The following TG variants were observed in gnomAD, a reference collection of about 807,000 sequenced individuals.
The protein encoded by TG is thyroglobulin.
TG carries 270 observed loss-of-function variants against 324.7 expected under a neutral mutation model. That is an observed-to-expected ratio of 0.83 (90% CI 0.75 to 0.92). The LOEUF is 0.92. TG is among the 40% of genes least tolerant of loss of function. TG has a pLI of 0.00. For synonymous variants in TG, 1,401 were observed against 1,327.0 expected (o/e 1.06, Z -1.21); for missense variants, 3,591 against 3,456.4 (o/e 1.04, Z -0.98).
chr8:132,963,406 A>T (rs532119027), intron 29 of TG, among the ~76,000 whole-genome samples: 1 of 152,350 alleles, frequency 6.6e-6, no homozygotes, highest in African/African-American at 2.4e-5. Flanking sequence ...CAGCCCTGAA[A>T]AGTATAAACA....
rs528625219 is a variant in TG at position 133,095,070 on chromosome 8, C to T, written c.7266C>T (p.Ala2422=). The T allele has an allele frequency of 8.1e-5, 131 of 1,613,986 alleles. 1 individual carries two copies. Among genetic ancestry groups the T allele is most frequent in the South Asian group, 5.4e-4 (49 of 91,070 alleles). The part of the protein sequence containing the change: ...LMGGSALSPA[A]VISHERAQQQ... Reference sequence around the variant, plus strand: ...GAGGCTCCGCACTCTCCCCGGCCGCCGTCATCAGCCATGAGAGGGCTCAGC... The same window carrying T: ...GAGGCTCCGCACTCTCCCCGGCCGCTGTCATCAGCCATGAGAGGGCTCAGC... Residue 2422 remains alanine, a synonymous_variant, in exon 42 of 48, where the codon GCC becomes GCT. Coordinates refer to ENST00000220616, the MANE Select transcript of TG (RefSeq NM_003235.5).
chr8:132,962,492 A>G (rs943048758), intron 28 of TG, among the ~76,000 whole-genome samples: 6 of 152,204 alleles, frequency 3.9e-5, no homozygotes, highest in African/African-American at 1.4e-4. Context: ...TTGCCGCACT[A>G]CAGAGAAGTG....
Position 132,935,788 on chromosome 8 carries a change from C to G in TG, c.4965C>G (p.Thr1655=), listed in dbSNP as rs1563975482. The G allele has an allele frequency of 6.2e-7, 1 of 1,612,966 alleles. No individual in the cohort carries two copies. Among genetic ancestry groups the G allele is most frequent in the Non-Finnish European group, 8.5e-7 (1 of 1,180,008 alleles). ...KRDALGNSKA[T]SFGSLRCQVK... is the part of the protein sequence containing the mutation. ...ATGCACTGGGGAACTCAAAGGCCAC[C>G]AGCTTTGGAAGTCTTCGCTGCCAGG... Residue 1655 remains threonine (T), a synonymous_variant, in exon 25 of 48, where the codon ACC becomes ACG. Coordinates refer to ENST00000220616, the MANE Select transcript of TG (RefSeq NM_003235.5).
chr8:133,063,042 G>C (rs1464567415), intron 41 of TG, among the ~76,000 whole-genome samples: 1 of 152,158 alleles, frequency 6.6e-6, no homozygotes, highest in Non-Finnish European at 1.5e-5. Context: ...CGAGGCCTTT[G>C]GGCTTCTGGG....
chr8:132,967,037 C>CCCATCCAT (rs57588311), intron 30 of TG, among the ~76,000 whole-genome samples: 188 of 146,082 alleles, frequency 1.3e-3, no homozygotes, highest in African/African-American at 4.8e-3. Flanking sequence ...ATCCCATCCA[C>CCCATCCAT]CCATCCATCC....
chr8:133,043,188 T>C (rs1302850140), intron 41 of TG, among the ~76,000 whole-genome samples: 1 of 152,170 alleles, frequency 6.6e-6, no homozygotes, highest in Non-Finnish European at 1.5e-5. Context: ...AGTGCTGCAC[T>C]GGGGTGAGAT....
chr8:133,060,337 A>G, intron 41 of TG: 1 of 1,551,860 alleles, frequency 6.4e-7, no homozygotes, highest in Non-Finnish European at 8.7e-7. Context: ...ATATGTGAAG[A>G]TGAGATTGGT....
chr8:133,026,392 A>G (rs1389364508), intron 40 of TG, among the ~76,000 whole-genome samples: 1 of 152,228 alleles, frequency 6.6e-6, no homozygotes, highest in Non-Finnish European at 1.5e-5. Flanking sequence ...AGTGTTTAAA[A>G]GGAGTCTTGG....
chr8:132,984,143 C>A (rs1184062644), intron 35 of TG, among the ~76,000 whole-genome samples: 2 of 152,212 alleles, frequency 1.3e-5, no homozygotes, highest in Non-Finnish European at 2.9e-5. Context: ...CCACACGCTG[C>A]TCAGCCAAGA....
chr8:133,044,979 C>T (rs537695979), intron 41 of TG: 3 of 1,614,164 alleles, frequency 1.9e-6, no homozygotes, highest in South Asian at 1.1e-5. Flanking sequence ...TTGTATGTCT[C>T]TTACCAGAAT....
chr8:132,907,243 C>T (rs1291987708), intron 17 of TG, among the ~76,000 whole-genome samples: 1 of 152,156 alleles, frequency 6.6e-6, no homozygotes, highest in Non-Finnish European at 1.5e-5. Context: ...CTCACATGCT[C>T]AGCAGCTCTG....
chr8:132,886,454 G>C lies in TG; in HGVS notation c.1082G>C (p.Gly361Ala), dbSNP rs769649951. ...QQGEPPSCAE[G>A]QSCASERQQA... ...TTCACTTTGTCTCATGCAGCTGAAGGCCAATCTTGTGCCTCCGAAAGGCAG... is the reference window on the plus strand; with the variant it reads ...TTCACTTTGTCTCATGCAGCTGAAGCCCAATCTTGTGCCTCCGAAAGGCAG... The change falls in exon 9 of 48, where the codon GGC becomes GCC. Residue 361 changes from glycine to alanine, a missense_variant. Gly to Ala is a moderately conservative substitution (Grantham distance 60). Coordinates refer to ENST00000220616, the MANE Select transcript of TG (RefSeq NM_003235.5). 1 of 1,614,160 alleles carries C rather than the reference G, an allele frequency of 6.2e-7. No homozygotes were observed.
intron 43 of TG, 108 bp downstream of exon 43, chr8:133,096,481 C>T: frequency 7.5e-7 from 1 of 1,337,272 alleles, no homozygotes; most frequent in Non-Finnish European, 1.1e-6. Context: ...TGAGTAACTA[C>T]TGTGTGCAAT....
At chr8:132,943,541 C>T (rs529320509) in intron 26 of TG, among the ~76,000 whole-genome samples, 1 of 152,198 alleles carries the variant, frequency 6.6e-6, no homozygotes, top group South Asian at 2.1e-4. Flanking sequence ...CTGCTCTCCA[C>T]CTGTCACCAG....
intron 35 of TG, 175 bp downstream of exon 35, chr8:132,983,587 C>T (rs1287937624): frequency 1.5e-6 from 1 of 679,302 alleles, no homozygotes; most frequent in Non-Finnish European, 2.6e-6. Context: ...AACATGCCCA[C>T]TTTGCAGATG....
chr8:133,075,969 T>C (rs1283875424), intron 41 of TG: 3 of 152,212 alleles, frequency 2.0e-5, no homozygotes, highest in Non-Finnish European at 4.4e-5. Context: ...GTATATGTTA[T>C]ACATTATGTA....
chr8:133,047,646 T>C (rs1371623022), intron 41 of TG: 4 of 610,180 alleles, frequency 6.6e-6, no homozygotes, highest in Non-Finnish European at 1.2e-5. Flanking sequence ...CCACTGCCTG[T>C]CTCTAGTCCC....
chr8:132,900,788 CCTT>C (rs1311374874), intron 15 of TG, among the ~76,000 whole-genome samples: 1 of 152,192 alleles, frequency 6.6e-6, no homozygotes. Flanking sequence ...GCTCGAGGGC[CCTT>C]TGCATCTGGT....
At chr8:132,869,163 C>T (rs985989547) in intron 2 of TG, among the ~76,000 whole-genome samples, 1 of 152,182 alleles carries the variant, frequency 6.6e-6, no homozygotes, top group African/African-American at 2.4e-5. Context: ...CAAACCTGGC[C>T]TCTCTTCAGG....
Sources: gnomAD v4.1 joint callset for allele counts (sites outside exome capture counted in the v4.1 genomes callset) on GRCh38, gnomAD v4.1.1 for gene constraint, MANE v1.5 for transcripts, NCBI Gene and HGNC (gene_info 2026-07-23, HGNC 2026-07-21) for gene names.